FREM1: variants seen among roughly 807,000 people sequenced by gnomAD.
FREM1 encodes the protein FRAS1 related extracellular matrix 1.
FREM1 carries 220 observed loss-of-function variants against 210.1 expected under a neutral mutation model. The ratio of observed to expected loss-of-function variants is 1.05; its 90% CI spans 0.94 to 1.17. FREM1 has a LOEUF of 1.17. FREM1 is among the 50% of genes most tolerant of loss of function. The pLI, the probability that FREM1 is intolerant of heterozygous loss-of-function variation, is 0.00. For missense variants in FREM1, 3,454 were observed against 2,675.5 expected (o/e 1.29, Z -6.42); for synonymous variants, 1,189 against 980.2 (o/e 1.21, Z -3.98).
At position 14,801,865 on chromosome 9, in the gene FREM1, C is replaced by T. The variant is rs567336392; in HGVS notation, c.3481G>A (p.Gly1161Ser). The stretch of plus-strand genomic sequence containing the variant: ...GAAGAGTCCAGCTCTTTCATCTGAC[C>T]CTCACACACCTGAGCAAGAACACAT... ...FVVQNITVCE[G>S]QMKELDSSII... Residue 1161 changes from glycine (G) to serine (S), a missense_variant, in exon 20 of 37, where the codon GGT (glycine) becomes AGT (serine). Physicochemically the swap from Gly to Ser is moderately conservative, Grantham distance 56. Coordinates refer to ENST00000380880, the MANE Select transcript of FREM1 (RefSeq NM_001379081.2). 4 of 1,609,426 alleles carry T rather than the reference C, an allele frequency of 2.5e-6. No homozygotes were observed. Among genetic ancestry groups the T allele is most frequent in the East Asian group, 2.2e-5 (1 of 44,788 alleles).
chr9:14,765,952 C>T (rs1846319410), intron 27 of FREM1, among the ~76,000 whole-genome samples: 2 of 152,178 alleles, frequency 1.3e-5, no homozygotes, highest in Admixed American at 1.3e-4. Flanking sequence ...AAGTGCTTTT[C>T]ATGAATGATG....
intron 1 of FREM1, among the ~76,000 whole-genome samples, chr9:14,907,888 G>A (rs1438035815): frequency 6.6e-6 from 1 of 152,150 alleles, no homozygotes; most frequent in Non-Finnish European, 1.5e-5. Flanking sequence ...TACTGATGAG[G>A]AAGTGAAGCT....
intron 1 of FREM1, among the ~76,000 whole-genome samples, chr9:14,876,193 C>T (rs1833697412): frequency 6.6e-6 from 1 of 152,156 alleles, no homozygotes; most frequent in Admixed American, 6.5e-5. Context: ...GGGAGAACCA[C>T]TGCTCTCTTC....
At chr9:14,776,339 T>C (rs1848573016) in intron 24 of FREM1, 136 bp from the exon 25 acceptor site, 11 of 1,010,272 alleles carry the variant, frequency 1.1e-5, no homozygotes, top group African/African-American at 1.6e-5. Context: ...AGGGCAGATC[T>C]TGCAGAAAAA....
intron 6 of FREM1, 71 bp from the exon 7 acceptor site, chr9:14,848,844 T>A: frequency 1.1e-6 from 1 of 889,100 alleles, no homozygotes; most frequent in Middle Eastern, 2.9e-4. Context: ...AATTCTGGGT[T>A]ATACCCACAC....
intron 9 of FREM1, 117 bp from the exon 10 acceptor site, chr9:14,841,706 G>T: frequency 1.6e-6 from 1 of 625,022 alleles, no homozygotes; most frequent in Non-Finnish European, 2.5e-6. Flanking sequence ...ATGTACCCAA[G>T]GAATCTGCAT....
At chr9:14,762,860 G>A (rs1376641771) in intron 27 of FREM1, among the ~76,000 whole-genome samples, 1 of 148,756 alleles carries the variant, frequency 6.7e-6, no homozygotes, top group East Asian at 2.0e-4. Flanking sequence ...AGAAAAATAA[G>A]AGATGTAGTC....
At chr9:14,902,265 C>A (rs1838920148) in intron 1 of FREM1, among the ~76,000 whole-genome samples, 1 of 152,156 alleles carries the variant, frequency 6.6e-6, no homozygotes, top group Non-Finnish European at 1.5e-5. Flanking sequence ...TGCCTCTGAG[C>A]ACTGCTGTGA....
chr9:14,855,591 G>A (rs1041209993), intron 5 of FREM1, among the ~76,000 whole-genome samples: 2 of 152,078 alleles, frequency 1.3e-5, no homozygotes, highest in Non-Finnish European at 2.9e-5. Flanking sequence ...GCACATGTGT[G>A]TGTATGTAAA....
intron 4 of FREM1, among the ~76,000 whole-genome samples, chr9:14,858,172 G>A (rs1182842050): frequency 3.3e-5 from 5 of 152,070 alleles, no homozygotes; most frequent in Admixed American, 6.6e-5. Context: ...TGGCTATCAC[G>A]CACTCAAATC....
In FREM1 at chr9:14,841,023, G is replaced by A. The variant is rs959335651; in HGVS notation, c.1881+424C>T. 2.6e-5 allele frequency among the ~76,000 whole-genome samples: 4 copies of A among 152,162 alleles called. No individual in the cohort carries two copies. In the East Asian group the frequency reaches 7.7e-4, roughly 29 times the overall value. The stretch of plus-strand genomic sequence containing the variant: ...CACCTTCACAATAACTCTAAAGGAA[G>A]GTTCTATTATTATCTGTTTTACAGA... On this transcript the variant is annotated intron_variant, in intron 10 of 36. Coordinates refer to ENST00000380880, the MANE Select transcript of FREM1 (RefSeq NM_001379081.2).
At chr9:14,871,565 A>G (rs200968531) in intron 1 of FREM1, among the ~76,000 whole-genome samples, 5 of 152,030 alleles carry the variant, frequency 3.3e-5, no homozygotes, top group African/African-American at 4.8e-5. Flanking sequence ...GCCTTTGTCA[A>G]ATGAGTAGGT....
chr9:14,875,171 T>A (rs1833463183), intron 1 of FREM1, among the ~76,000 whole-genome samples: 1 of 152,168 alleles, frequency 6.6e-6, no homozygotes, highest in South Asian at 2.1e-4. Context: ...TCGAGGAGTA[T>A]CTTTGTGGTG....
At chr9:14,809,652 C>T (rs1389739) in intron 16 of FREM1, among the ~76,000 whole-genome samples, 130,842 of 152,230 alleles carry the variant, frequency 0.86, 56,630 homozygotes, top group East Asian at 0.97. Flanking sequence ...AAAATGCAAA[C>T]TGGCTTAAAA....
intron 1 of FREM1, among the ~76,000 whole-genome samples, chr9:14,898,193 C>T (rs1244201583): frequency 2.6e-5 from 4 of 152,160 alleles, no homozygotes; most frequent in African/African-American, 9.7e-5. Flanking sequence ...CCTATTCTTC[C>T]TTGGGCTCTG....
intron 1 of FREM1, among the ~76,000 whole-genome samples, chr9:14,895,433 C>A (rs1035857261): frequency 2.6e-5 from 4 of 152,060 alleles, no homozygotes; most frequent in Non-Finnish European, 4.4e-5. Flanking sequence ...GTGAACCAAC[C>A]AGTGATCTTT....
At position 14,879,892 on chromosome 9, in the gene FREM1, A is replaced by G. The variant is rs995885530; in HGVS notation, c.-267-10648T>C. ...GTAGGTACAATATGATAGGGGCAAT[A>G]TAGTATAGATAGACTGAAGAAAGAT... On this transcript the variant is annotated intron_variant, in intron 1 of 36. Transcript: ENST00000380880. Among the ~76,000 whole-genome samples the G allele has an allele frequency of 3.3e-5, 5 of 152,306 alleles. No homozygotes were observed. In the East Asian group the frequency reaches 5.8e-4, roughly 18 times the overall value.
intron 12 of FREM1, 142 bp downstream of exon 12, chr9:14,823,883 A>G: frequency 2.1e-6 from 1 of 470,988 alleles, no homozygotes; most frequent in Non-Finnish European, 3.8e-6. Context: ...CACTTAATGG[A>G]AACATACAAG....
chr9:14,842,472 C>G lies in FREM1; in HGVS notation c.1582G>C (p.Val528Leu). Reference protein sequence around the residue: ...DDSPPFLITNVVIELEEGQTI... With the variant: ...DDSPPFLITNLVIELEEGQTI... Reference sequence around the variant, plus strand: ...TGCCCCTCCTCCAGTTCAATCACAACATTGGTTATGAGGAACGGGGGACTA... The same window carrying G: ...TGCCCCTCCTCCAGTTCAATCACAAGATTGGTTATGAGGAACGGGGGACTA... The change falls in exon 9 of 37, where the codon GTT becomes CTT. Residue 528 changes from valine to leucine, a missense_variant. By Grantham distance (32) the Val-to-Leu change is conservative. Transcript: ENST00000380880. 1 of 1,614,054 alleles carries G rather than the reference C, an allele frequency of 6.2e-7. No individual in the cohort carries two copies. The highest frequency in any genetic ancestry group is 1.6e-4 in the Middle Eastern group (1 of 6,062).
Sources: allele counts gnomAD v4.1 joint callset (sites outside exome capture counted in the v4.1 genomes callset), GRCh38; gene constraint gnomAD v4.1.1; transcripts MANE v1.5; gene names NCBI Gene and HGNC (gene_info 2026-07-23, HGNC 2026-07-21).